Variants in PCDHGA2 observed in about 807,000 individuals in gnomAD.
PCDHGA2 encodes protocadherin gamma subfamily A, 2.
Under a neutral mutation model 59.2 loss-of-function variants are expected in PCDHGA2, and 40 were observed. That is an observed-to-expected ratio of 0.68 (90% CI 0.52 to 0.88). The LOEUF is 0.88. Ranked by LOEUF, PCDHGA2 falls within the 40% of genes least tolerant of loss-of-function variation. The pLI is 0.00. For synonymous variants in PCDHGA2, 560 were observed against 526.0 expected (o/e 1.06, Z -0.89); for missense variants, 1,226 against 1,204.0 (o/e 1.02, Z -0.27).
intron 1 of PCDHGA2, chr5:141,408,182 C>G: frequency 6.5e-7 from 1 of 1,537,898 alleles, no homozygotes; most frequent in Non-Finnish European, 8.8e-7. Flanking sequence ...AGCGGGGACC[C>G]AGCGAGAACC....
At position 141,418,204 on chromosome 5, in the gene PCDHGA2, T is replaced by G. The variant is rs1456912993; in HGVS notation, c.2425-76603T>G. ...AAGCTGTGGTGGAAAATCCTTTAAATATTTTTCATGTCATTGTGGTGATTG... is the reference window on the plus strand; with the variant it reads ...AAGCTGTGGTGGAAAATCCTTTAAAGATTTTTCATGTCATTGTGGTGATTG... On this transcript the variant is annotated intron_variant, in intron 1 of 3. Transcript: ENST00000394576. The G allele has an allele frequency of 2.5e-6, 4 of 1,614,054 alleles. No homozygotes were observed. The East Asian group carries it at 8.9e-5, about 36-fold the overall frequency.
intron 1 of PCDHGA2, among the ~76,000 whole-genome samples, chr5:141,468,088 G>T (rs186503104): frequency 6.6e-6 from 1 of 152,186 alleles, no homozygotes; most frequent in East Asian, 1.9e-4. Context: ...ACTTTGGGAG[G>T]TTGAGGCAGG....
At position 141,344,567 on chromosome 5, in the gene PCDHGA2, C is replaced by T. The variant is rs182334334; in HGVS notation, c.2424+3172C>T. On this transcript the variant is annotated intron_variant, in intron 1 of 3. Transcript: ENST00000394576. ...ACAAGCTTAGCCCCAATGACTACTT[C>T]TCTCTGGCTGTGAATAGCGTCTCTG... is the stretch of plus-strand genomic sequence containing the variant. 11,516 of 1,614,012 alleles carry T rather than the reference C, an allele frequency of 7.1e-3. 61 individuals carry two copies. Among genetic ancestry groups the T allele is most frequent in the Non-Finnish European group, 8.3e-3 (9,774 of 1,179,900 alleles).
At chr5:141,462,474 C>T (rs2099040477) in intron 1 of PCDHGA2, among the ~76,000 whole-genome samples, 1 of 151,994 alleles carries the variant, frequency 6.6e-6, no homozygotes, top group South Asian at 2.1e-4. Flanking sequence ...TATTCTGCTT[C>T]TCGTGGTTGT....
At position 141,398,955 on chromosome 5, in the gene PCDHGA2, A is replaced by T. The variant is rs2093730495; in HGVS notation, c.2424+57560A>T. 1.2e-6 allele frequency: 2 copies of T among 1,613,966 alleles called. No homozygotes were observed. Among genetic ancestry groups the T allele is most frequent in the African/African-American group, 1.3e-5 (1 of 75,040 alleles). On this transcript the variant is annotated intron_variant, in intron 1 of 3. Transcript: ENST00000394576. ...ACCAAGACGAGGGCATCAACTCAGA[A>T]ATTACTTATTCCTTCTACAGAACCG...
At chr5:141,481,913 CAAA>C (rs34114744) in intron 1 of PCDHGA2, among the ~76,000 whole-genome samples, 50 of 90,788 alleles carry the variant, frequency 5.5e-4, no homozygotes, top group African/African-American at 7.1e-4. Flanking sequence ...AACTCCATCT[CAAA>C]AAAAAAAAAA....
At chr5:141,409,702 G>C (rs545411022) in intron 1 of PCDHGA2, 2 of 1,613,108 alleles carry the variant, frequency 1.2e-6, no homozygotes, top group African/African-American at 2.7e-5. Context: ...AGCCCCTGGC[G>C]GTGTCGTCAT....
rs1421246315 is a variant in PCDHGA2 at position 141,491,880 on chromosome 5, G to A, written c.2425-2927G>A. The A allele has an allele frequency of 1.1e-5, 16 of 1,449,714 alleles. No homozygotes were observed. The highest frequency in any genetic ancestry group is 1.5e-5 in the Non-Finnish European group (16 of 1,096,892). 89.8% of individuals were successfully genotyped at this position (1,449,714 alleles called of 1,614,324 possible). A position where few individuals can be genotyped will look rare whatever the true frequency, so the allele number is the denominator to read the frequency against. ...GCGAAACCAGAGTGGCCGATTAAGGGATGGGGCTCCGAGCACCGGGGGTGG... is the reference window on the plus strand; with the variant it reads ...GCGAAACCAGAGTGGCCGATTAAGGAATGGGGCTCCGAGCACCGGGGGTGG... On this transcript the variant is annotated intron_variant, in intron 1 of 3. Coordinates refer to ENST00000394576, the MANE Select transcript of PCDHGA2 (RefSeq NM_018915.4). The surrounding 1 kb of genome is among the most constrained non-coding windows in gnomAD (Gnocchi z 6.9).
chr5:141,393,865 C>G lies in PCDHGA2; in HGVS notation c.2424+52470C>G, dbSNP rs770874961. The G allele has an allele frequency of 4.3e-6, 7 of 1,613,838 alleles. No individual in the cohort carries two copies. In the African/African-American group the frequency reaches 8.0e-5, roughly 18 times the overall value. ...AATAGACCAGAAGTGATCATTACGT[C>G]TTTGTTTAGCCCAGTGTTAGAAAAT... On this transcript the variant is annotated intron_variant, in intron 1 of 3. Transcript: ENST00000394576.
At position 141,511,238 on chromosome 5, in the gene PCDHGA2, G is replaced by A; in HGVS notation, c.*65G>A. ...CAACCAGCCCAGCTTCTCCTTACCT[G>A]CACCCAGGCCTCAGAGTTTCAGGGC... On this transcript the variant is annotated 3_prime_UTR_variant, in exon 4 of 4. Coordinates refer to ENST00000394576, the MANE Select transcript of PCDHGA2 (RefSeq NM_018915.4). 6.3e-7 allele frequency: 1 copy of A among 1,589,142 alleles called. No homozygotes were observed. The highest frequency in any genetic ancestry group is 2.3e-5 in the East Asian group (1 of 43,302).
chr5:141,343,723 A>AT (rs1757313887), intron 1 of PCDHGA2: 1 of 245,544 alleles, frequency 4.1e-6, no homozygotes, highest in African/African-American at 2.2e-5. Context: ...CAGATCTTGG[A>AT]TAATTCAAAA....
At chr5:141,488,932 A>G (rs2233598) in intron 1 of PCDHGA2, among the ~76,000 whole-genome samples, 31,368 of 152,090 alleles carry the variant, frequency 0.21, 3,372 homozygotes, top group Admixed American at 0.31. Flanking sequence ...GGATTGAGGA[A>G]ACTCCATAAT....
chr5:141,424,052 G>A, intron 1 of PCDHGA2: 1 of 1,012,010 alleles, frequency 9.9e-7, no homozygotes, highest in South Asian at 4.7e-5. Flanking sequence ...CAATTTTGCT[G>A]TGCCTTCACT....
chr5:141,363,884 G>A (rs1235623688), intron 1 of PCDHGA2, among the ~76,000 whole-genome samples: 1 of 152,096 alleles, frequency 6.6e-6, no homozygotes, highest in Admixed American at 6.5e-5. Flanking sequence ...AAGGACATAG[G>A]CTCCCCCGAT....
chr5:141,373,880 A>T, intron 1 of PCDHGA2: 1 of 466,736 alleles, frequency 2.1e-6, no homozygotes, highest in Non-Finnish European at 3.6e-6. Context: ...CAAGAAAATC[A>T]ACGGAAACTC....
rs1240258760 is a variant in PCDHGA2 at position 141,423,933 on chromosome 5, GAAGT to G, written c.2425-70869_2425-70866del. On this transcript the variant is annotated intron_variant, in intron 1 of 3. Coordinates refer to ENST00000394576, the MANE Select transcript of PCDHGA2 (RefSeq NM_018915.4). The stretch of plus-strand genomic sequence containing the variant: ...CCATTCAACTATGCTGGTTTGGTTT[GAAGT>G]AAGTTGAATTTTAGTATTATTTTTC... 5 of 1,226,500 alleles carry G rather than the reference GAAGT, an allele frequency of 4.1e-6. No homozygotes were observed. The African/African-American group carries it at 7.9e-5, about 19-fold the overall frequency. The allele number at this position is 1,226,500 out of a possible 1,614,324, so 76.0% of individuals were successfully genotyped here. A position where few individuals can be genotyped will look rare whatever the true frequency, so the allele number is the denominator to read the frequency against.
At position 141,339,058 on chromosome 5, in the gene PCDHGA2, G is replaced by A. The variant is rs1220395503; in HGVS notation, c.87G>A (p.Gly29=). 3.1e-6 allele frequency: 5 copies of A among 1,612,242 alleles called. No homozygotes were observed. In the South Asian group the frequency reaches 4.4e-5, roughly 14 times the overall value. Residue 29 remains glycine (G), a synonymous_variant, in exon 1 of 4, where the codon GGG becomes GGA. Transcript: ENST00000394576. ...CGACCCTGTGGGAGGCCAGGGCCGGGCAGATTCGCTATTCTGTGCGGGAAG... is the reference window on the plus strand; with the variant it reads ...CGACCCTGTGGGAGGCCAGGGCCGGACAGATTCGCTATTCTGTGCGGGAAG... ...LLATLWEARA[G]QIRYSVREEI...
intron 1 of PCDHGA2, chr5:141,384,367 T>G (rs1780005491): frequency 1.2e-6 from 2 of 1,613,766 alleles, no homozygotes; most frequent in African/African-American, 2.7e-5. Flanking sequence ...GATCACTTAT[T>G]CCTTGGCCGA....
At chr5:141,453,490 G>T (rs921556476) in intron 1 of PCDHGA2, among the ~76,000 whole-genome samples, 3 of 151,922 alleles carry the variant, frequency 2.0e-5, no homozygotes, top group African/African-American at 7.3e-5. Context: ...TTAAAAAAAG[G>T]TGTACTCAGA....
Sources: allele counts gnomAD v4.1 joint callset (sites outside exome capture counted in the v4.1 genomes callset), GRCh38; gene constraint gnomAD v4.1.1; non-coding constraint Gnocchi (gnomAD v3.1); transcripts MANE v1.5; gene names NCBI Gene and HGNC (gene_info 2026-07-23, HGNC 2026-07-21).